ATP11B: variants seen among roughly 807,000 people sequenced by gnomAD.
ATP11B encodes the protein phospholipid-transporting ATPase IF.
ATP11B carries 81 observed loss-of-function variants against 157.8 expected under a neutral mutation model. That is an observed-to-expected ratio of 0.51 (90% confidence interval 0.43 to 0.62). The LOEUF is 0.62. ATP11B is among the 20% of genes least tolerant of loss of function. The pLI, the probability that ATP11B is intolerant of heterozygous loss-of-function variation, is 0.00. For synonymous variants in ATP11B, 451 were observed against 469.4 expected, an observed-to-expected ratio of 0.96 and a Z score of 0.51; for missense variants, 1,165 against 1,402.2, an observed-to-expected ratio of 0.83 and a Z score of 2.70.
intron 1 of ATP11B, among the ~76,000 whole-genome samples, chr3:182,814,210 C>G (rs7624576): frequency 6.6e-6 from 1 of 151,782 alleles, no homozygotes; most frequent in East Asian, 1.9e-4. Flanking sequence ...ATTACAGGCA[C>G]GCACCACCAC....
intron 1 of ATP11B, among the ~76,000 whole-genome samples, chr3:182,808,270 A>G (rs1716449889): frequency 6.6e-6 from 1 of 152,204 alleles, no homozygotes; most frequent in Non-Finnish European, 1.5e-5. Flanking sequence ...GAGAGACTGT[A>G]AAGTAGTTCT....
At chr3:182,867,028 C>A (rs1270704382) in intron 14 of ATP11B, among the ~76,000 whole-genome samples, 1 of 151,504 alleles carries the variant, frequency 6.6e-6, no homozygotes, top group African/African-American at 2.4e-5. Flanking sequence ...GGGTTCAAGC[C>A]ATTCTCCTGA....
intron 29 of ATP11B, chr3:182,915,997 C>CA (rs1725115870): frequency 1.0e-6 from 1 of 984,680 alleles, no homozygotes. Context: ...CCCTTTTTCT[C>CA]ATGTGAATAA....
At position 182,887,545 on chromosome 3, in the gene ATP11B, T is replaced by C. The variant is rs998309398; in HGVS notation, c.2716-41T>C. The C allele has an allele frequency of 3.2e-6, 5 of 1,580,062 alleles. No individual in the cohort carries two copies. The East Asian group carries it at 9.0e-5, about 29-fold the overall frequency. ...TTGTCATATGCATAATAGTAATGCA[T>C]AATTCAGAAACTCAACATTCCTACC... is the stretch of plus-strand genomic sequence containing the variant. On this transcript the variant is annotated intron_variant, in intron 23 of 29. Transcript: ENST00000323116.
At chr3:182,838,399 T>C (rs1718726571) in intron 7 of ATP11B, among the ~76,000 whole-genome samples, 1 of 151,968 alleles carries the variant, frequency 6.6e-6, no homozygotes, top group Admixed American at 6.6e-5. Context: ...AGATGAAGTA[T>C]AACTAATGCT....
chr3:182,858,448 G>A (rs1012346549), intron 11 of ATP11B, among the ~76,000 whole-genome samples: 1 of 152,096 alleles, frequency 6.6e-6, no homozygotes, highest in African/African-American at 2.4e-5. Flanking sequence ...TGCAAATTAT[G>A]TCATATATTT....
At chr3:182,816,949 T>C (rs1194468266) in intron 1 of ATP11B, among the ~76,000 whole-genome samples, 1 of 152,208 alleles carries the variant, frequency 6.6e-6, no homozygotes, top group African/African-American at 2.4e-5. Flanking sequence ...ACTGAAGTTA[T>C]AAGTTTAATT....
chr3:182,836,546 TA>T, intron 6 of ATP11B, 76 bp downstream of exon 6: 1 of 1,545,698 alleles, frequency 6.5e-7, no homozygotes, highest in Non-Finnish European at 8.9e-7. Context: ...TAACTTTGGT[TA>T]AAGTAGTAAA....
intron 1 of ATP11B, among the ~76,000 whole-genome samples, chr3:182,797,121 A>G (rs1715664438): frequency 6.6e-6 from 1 of 152,182 alleles, no homozygotes; most frequent in African/African-American, 2.4e-5. Flanking sequence ...CTCTTTTCCA[A>G]GATAACAATT....
rs1722770192 is a variant in ATP11B at position 182,885,980 on chromosome 3, A to G, written c.2685A>G (p.Leu895=). The change falls in exon 23 of 30, where the codon TTA becomes TTG. Residue 895 remains leucine, a synonymous_variant. Coordinates refer to ENST00000323116, the MANE Select transcript of ATP11B (RefSeq NM_014616.3). ...TGTGCTTTATCACACCCCAGTTTTT[A>G]TATCAGTTCTACTGTTTGTTTTCTC... ...KNVCFITPQF[L]YQFYCLFSQQ... 6 of 1,502,172 alleles carry G rather than the reference A, an allele frequency of 4.0e-6. No homozygotes were observed. In the South Asian group the frequency reaches 4.2e-5, roughly 11 times the overall value. 93.1% of individuals were successfully genotyped at this position (1,502,172 alleles called of 1,614,324 possible).
chr3:182,834,974 AAAG>A (rs886567504), intron 4 of ATP11B, among the ~76,000 whole-genome samples: 11 of 152,208 alleles, frequency 7.2e-5, no homozygotes, highest in African/African-American at 2.4e-4. Context: ...CAGCTAGAGA[AAAG>A]AACATGTTTT....
Position 182,885,181 on chromosome 3 carries a change from T to A in ATP11B, c.2655+283T>A, listed in dbSNP as rs565657249. Among the ~76,000 whole-genome samples, 262 of 152,224 alleles carry A rather than the reference T, an allele frequency of 1.7e-3. 2 individuals are homozygous for A. Among genetic ancestry groups the A allele is most frequent in the South Asian group, 7.9e-3 (38 of 4,816 alleles). On this transcript the variant is annotated intron_variant, in intron 22 of 29. Transcript: ENST00000323116. Reference sequence around the variant, plus strand: ...ACCAATATAATGGTTTTAAGTAGAGTTCTTAGCCTTTTTATGCCATGAATG... The same window carrying A: ...ACCAATATAATGGTTTTAAGTAGAGATCTTAGCCTTTTTATGCCATGAATG...
chr3:182,915,965 A>C (rs1047835791), intron 29 of ATP11B: 2 of 983,910 alleles, frequency 2.0e-6, no homozygotes, highest in Non-Finnish European at 2.4e-6. Context: ...AGGTTATATT[A>C]TTGGTTACTA....
chr3:182,891,632 A>G (rs1192409665), intron 25 of ATP11B, among the ~76,000 whole-genome samples: 2 of 152,196 alleles, frequency 1.3e-5, no homozygotes, highest in East Asian at 3.8e-4. Context: ...TAACTTTTTA[A>G]AATAAAATCT....
chr3:182,892,837 A>T (rs1397482655), intron 25 of ATP11B, among the ~76,000 whole-genome samples: 1 of 152,194 alleles, frequency 6.6e-6, no homozygotes, highest in Non-Finnish European at 1.5e-5. Flanking sequence ...CTGCTTTTCC[A>T]TGGGTACATC....
In ATP11B at chr3:182,881,287, A is replaced by T. The variant is rs567725926; in HGVS notation, c.2509+306A>T. On this transcript the variant is annotated intron_variant, in intron 21 of 29. Coordinates refer to ENST00000323116, the MANE Select transcript of ATP11B (RefSeq NM_014616.3). ...CGTCTCTACTAAAAATACAAAAATT[A>T]GCCAGGCGTGGTGGCACGTGCCTGT... Among the ~76,000 whole-genome samples, 7 of 152,148 alleles carry T rather than the reference A, an allele frequency of 4.6e-5. No individual in the cohort carries two copies. In the East Asian group the frequency reaches 1.4e-3, roughly 29 times the overall value.
rs756802051 is a variant in ATP11B, at chr3:182,896,739, G to T, written c.3022G>T (p.Val1008Phe). Residue 1008 changes from valine (V) to phenylalanine (F), a missense_variant, in exon 26 of 30, where the codon GTC (valine) becomes TTC (phenylalanine). By Grantham distance (50) the Val-to-Phe change is conservative. This residue lies in a region of ATP11B where 303 missense variants were observed against 296.3 expected (regional missense o/e 1.02). Transcript: ENST00000323116. ...GACATTTGGCACTTTGGTCTTCACA[G>T]TCATGGTTATTACAGTCACAGTAAA... ...NWTFGTLVFT[V>F]MVITVTVKMA... 4 of 1,613,236 alleles carry T rather than the reference G, an allele frequency of 2.5e-6. No homozygotes were observed. The highest frequency in any genetic ancestry group is 3.4e-6 in the Non-Finnish European group (4 of 1,179,434).
At chr3:182,903,118 G>C (rs1190476878) in intron 28 of ATP11B, among the ~76,000 whole-genome samples, 1 of 152,050 alleles carries the variant, frequency 6.6e-6, no homozygotes, top group Non-Finnish European at 1.5e-5. Context: ...CATTCTGTCA[G>C]TTTGTACAAA....
intron 21 of ATP11B, among the ~76,000 whole-genome samples, chr3:182,882,425 A>G (rs1722489550): frequency 6.6e-6 from 1 of 152,132 alleles, no homozygotes; most frequent in Non-Finnish European, 1.5e-5. Context: ...GAAATTTAGA[A>G]TATAACAAAG....
Sources: allele counts gnomAD v4.1 joint callset (sites outside exome capture counted in the v4.1 genomes callset), GRCh38; gene constraint gnomAD v4.1.1; regional missense constraint gnomAD v4.1.1; transcripts MANE v1.5; gene names NCBI Gene and HGNC (gene_info 2026-07-23, HGNC 2026-07-21).